Variants in MDGA2 observed in about 807,000 individuals in gnomAD.
The protein encoded by MDGA2 is MAM domain-containing glycosylphosphatidylinositol anchor protein 2.
In MDGA2, 40 loss-of-function variants were observed where a neutral mutation model predicts 117.8. That is an observed-to-expected ratio of 0.34 (90% confidence interval 0.26 to 0.44). The LOEUF (loss-of-function observed/expected upper bound fraction) is 0.44, where lower values mean the gene tolerates loss of function less well. MDGA2 is among the 20% of genes least tolerant of loss of function. The pLI is 1.00. For synonymous variants in MDGA2, 452 were observed against 439.0 expected, an observed-to-expected ratio of 1.03 and a Z score of -0.37; for missense variants, 1,123 against 1,250.6, an observed-to-expected ratio of 0.90 and a Z score of 1.54.
At chr14:47,112,663 C>T (rs1357194002) in intron 5 of MDGA2, among the ~76,000 whole-genome samples, 1 of 152,126 alleles carries the variant, frequency 6.6e-6, no homozygotes, top group Non-Finnish European at 1.5e-5. Context: ...TGGGTTGATT[C>T]CATGTCTTTG....
At chr14:47,578,333 T>C (rs1896154316) in intron 1 of MDGA2, among the ~76,000 whole-genome samples, 1 of 152,114 alleles carries the variant, frequency 6.6e-6, no homozygotes, top group Non-Finnish European at 1.5e-5. Flanking sequence ...GACAGGTTGA[T>C]AGGCCCAGCA....
At chr14:47,313,452 C>CTTTTGTTTTG (rs55738625) in intron 1 of MDGA2, among the ~76,000 whole-genome samples, 6 of 151,606 alleles carry the variant, frequency 4.0e-5, no homozygotes, top group Admixed American at 6.6e-5. Flanking sequence ...TCTTCTTCCT[C>CTTTTGTTTTG]TTTTGTTTTG....
At chr14:46,939,138 G>C (rs1884901356) in intron 9 of MDGA2, among the ~76,000 whole-genome samples, 1 of 151,950 alleles carries the variant, frequency 6.6e-6, no homozygotes. Flanking sequence ...GAGAGAATAG[G>C]GCAAGATTTT....
intron 2 of MDGA2, among the ~76,000 whole-genome samples, chr14:47,247,466 G>A (rs896036357): frequency 1.7e-4 from 25 of 150,970 alleles, no homozygotes; most frequent in African/African-American, 6.1e-4. Flanking sequence ...CACCATGCCC[G>A]CTAATTTTGT....
intron 14 of MDGA2, among the ~76,000 whole-genome samples, chr14:46,860,430 T>G (rs1488430550): frequency 6.6e-6 from 1 of 152,046 alleles, no homozygotes; most frequent in Non-Finnish European, 1.5e-5. Flanking sequence ...AATAGACCAC[T>G]GACTTTTTTT....
At chr14:46,862,502 TTTAA>T (rs1881552186) in intron 14 of MDGA2, among the ~76,000 whole-genome samples, 1 of 150,402 alleles carries the variant, frequency 6.6e-6, no homozygotes, top group South Asian at 2.1e-4. Context: ...TAATTTTACT[TTTAA>T]TTATTGTACT....
At chr14:47,282,042 C>T (rs1286346462) in intron 2 of MDGA2, among the ~76,000 whole-genome samples, 2 of 137,734 alleles carry the variant, frequency 1.5e-5, no homozygotes, top group African/African-American at 2.7e-5. Context: ...TGCAGAGCTC[C>T]GTCTCGGGAA....
chr14:47,063,753 AATTT>A (rs1407179092), intron 6 of MDGA2, among the ~76,000 whole-genome samples: 1 of 151,922 alleles, frequency 6.6e-6, no homozygotes, highest in East Asian at 1.9e-4. Context: ...TGCATATAAT[AATTT>A]ATTAATAACC....
intron 1 of MDGA2, among the ~76,000 whole-genome samples, chr14:47,656,150 T>TCAGC (rs1372919785): frequency 2.6e-5 from 4 of 152,188 alleles, no homozygotes; most frequent in Non-Finnish European, 1.5e-5. Flanking sequence ...CTAGGTTTTG[T>TCAGC]CAGCCAAGTC....
chr14:47,490,098 T>G (rs1002482736), intron 1 of MDGA2, among the ~76,000 whole-genome samples: 9 of 152,196 alleles, frequency 5.9e-5, no homozygotes, highest in African/African-American at 1.9e-4. Flanking sequence ...AGCAGTAGAA[T>G]AAAATTTATT....
At chr14:47,524,302 TA>T (rs1322242861) in intron 1 of MDGA2, among the ~76,000 whole-genome samples, 2 of 152,174 alleles carry the variant, frequency 1.3e-5, no homozygotes, top group African/African-American at 4.8e-5. Flanking sequence ...AAAATACATT[TA>T]AAAATTACTA....
intron 1 of MDGA2, among the ~76,000 whole-genome samples, chr14:47,603,819 C>CT (rs201866514): frequency 0.012 from 1,863 of 152,262 alleles, 32 homozygotes; most frequent in African/African-American, 0.042. Context: ...CAGTGGATGG[C>CT]TTAGCACCAT....
chr14:47,265,910 T>G (rs2139686344), intron 2 of MDGA2, among the ~76,000 whole-genome samples: 1 of 152,244 alleles, frequency 6.6e-6, no homozygotes, highest in East Asian at 1.9e-4. Flanking sequence ...ACCTACCACA[T>G]AAGATATACA....
At chr14:47,152,024 T>A (rs1280860804) in intron 3 of MDGA2, among the ~76,000 whole-genome samples, 3 of 152,176 alleles carry the variant, frequency 2.0e-5, no homozygotes, top group African/African-American at 7.2e-5. Flanking sequence ...TACCCCTTTA[T>A]AACTAAACTA....
intron 5 of MDGA2, among the ~76,000 whole-genome samples, chr14:47,111,752 C>T (rs1471497213): frequency 6.6e-6 from 1 of 151,916 alleles, no homozygotes; most frequent in African/African-American, 2.4e-5. Flanking sequence ...TGGTAATCTG[C>T]CAGCAAGAAA....
intron 10 of MDGA2, among the ~76,000 whole-genome samples, chr14:46,910,983 G>A (rs1182455352): frequency 2.0e-5 from 3 of 152,076 alleles, no homozygotes; most frequent in Admixed American, 2.0e-4. Context: ...ACACACACTG[G>A]GGCCTATTGA....
At chr14:47,199,140 C>T (rs1402589850) in intron 3 of MDGA2, among the ~76,000 whole-genome samples, 1 of 151,888 alleles carries the variant, frequency 6.6e-6, no homozygotes, top group African/African-American at 2.4e-5. Context: ...TGTCAGCTCC[C>T]ACAATTGTGG....
intron 10 of MDGA2, among the ~76,000 whole-genome samples, chr14:46,891,841 TATC>T (rs1391033375): frequency 2.6e-5 from 4 of 151,472 alleles, no homozygotes; most frequent in Admixed American, 6.6e-5. Context: ...TTATAATAAA[TATC>T]ATAATAAATA....
chr14:47,563,444 G>A (rs191060910), intron 1 of MDGA2, among the ~76,000 whole-genome samples: 1 of 152,194 alleles, frequency 6.6e-6, no homozygotes, highest in Admixed American at 6.5e-5. Flanking sequence ...ATATATTTAG[G>A]ATGGTTAGTT....
Sources: allele counts gnomAD v4.1 joint callset (sites outside exome capture counted in the v4.1 genomes callset), GRCh38; gene constraint gnomAD v4.1.1; transcripts MANE v1.5; gene names NCBI Gene and HGNC (gene_info 2026-07-23, HGNC 2026-07-21).